SLC24A2: variants seen among roughly 807,000 people sequenced by gnomAD.
The protein encoded by SLC24A2 is solute carrier family 24 member 2.
Under a neutral mutation model 62.0 loss-of-function variants are expected in SLC24A2, and 36 were observed. That is an observed-to-expected ratio of 0.58 (90% CI 0.44 to 0.77). The LOEUF (loss-of-function observed/expected upper bound fraction) is 0.77, where lower values mean the gene tolerates loss of function less well. Ranked by LOEUF, SLC24A2 falls within the 30% of genes least tolerant of loss-of-function variation. The probability of loss-of-function intolerance (pLI) is 0.00; values close to 1 mark genes in which losing one functional copy is unlikely to be tolerated. For synonymous variants in SLC24A2, 358 were observed against 294.0 expected (o/e 1.22, Z -2.23); for missense variants, 846 against 817.9 (o/e 1.03, Z -0.42).
At chr9:19,558,634 A>C (rs937776912) in intron 7 of SLC24A2, among the ~76,000 whole-genome samples, 3 of 152,218 alleles carry the variant, frequency 2.0e-5, no homozygotes, top group African/African-American at 7.2e-5. Context: ...TAACTTTAGC[A>C]AGAACTGAAA....
At chr9:20,091,699 T>A in the SLC24A2 span, among the ~76,000 whole-genome samples, 5 of 152,056 alleles carry the variant, frequency 3.3e-5, no homozygotes, top group Non-Finnish European at 7.4e-5. Context: ...TTATAAGAGA[T>A]CTTGAAAAGA....
At chr9:20,137,605 C>T in the SLC24A2 span, among the ~76,000 whole-genome samples, 1 of 152,190 alleles carries the variant, frequency 6.6e-6, no homozygotes, top group Non-Finnish European at 1.5e-5. Context: ...GCCAGGAACT[C>T]ATGGCTTCTA....
chr9:19,794,319 T>G, the SLC24A2 span, among the ~76,000 whole-genome samples: 1 of 151,438 alleles, frequency 6.6e-6, no homozygotes, highest in South Asian at 2.1e-4. Flanking sequence ...CAAGACAGGT[T>G]ATAGTTATTA....
At chr9:20,107,459 A>C in the SLC24A2 span, among the ~76,000 whole-genome samples, 1 of 152,224 alleles carries the variant, frequency 6.6e-6, no homozygotes, top group Non-Finnish European at 1.5e-5. Context: ...ACAAGGCTAC[A>C]GTCACCAAAA....
chr9:19,829,755 TTA>T, the SLC24A2 span, among the ~76,000 whole-genome samples: 67,183 of 126,860 alleles, frequency 0.53, 20,996 homozygotes, highest in Middle Eastern at 0.69. Flanking sequence ...ACTTAAAGTT[TTA>T]TATATATATG....
the SLC24A2 span, among the ~76,000 whole-genome samples, chr9:20,206,165 T>C: frequency 6.6e-6 from 1 of 152,226 alleles, no homozygotes; most frequent in African/African-American, 2.4e-5. Flanking sequence ...TTTAAGAAAC[T>C]ACCACTTGTC....
intron 2 of SLC24A2, among the ~76,000 whole-genome samples, chr9:19,730,447 T>C (rs1294520322): frequency 1.3e-5 from 2 of 152,202 alleles, no homozygotes; most frequent in African/African-American, 4.8e-5. Context: ...TTCAATGTTA[T>C]ATTTTTGTGA....
In SLC24A2 at chr9:19,516,805, C is replaced by A. The variant is rs1167558663; in HGVS notation, c.1737-403G>T. On this transcript the variant is annotated intron_variant, in intron 10 of 10. Transcript: ENST00000341998. ...GGAGCAGGCAGGTGCAAAAAAGGCA[C>A]AGAAATGAGTGGTGAAAATGAGGAA... 4.6e-5 allele frequency among the ~76,000 whole-genome samples: 7 copies of A among 151,904 alleles called. No homozygotes were observed. In the East Asian group the frequency reaches 1.4e-3, roughly 29 times the overall value.
the SLC24A2 span, among the ~76,000 whole-genome samples, chr9:20,177,909 G>A: frequency 0.02 from 2,980 of 152,110 alleles, 39 homozygotes; most frequent in Non-Finnish European, 0.028. Context: ...TTGCCGAGGG[G>A]ACACGCTCAG....
the SLC24A2 span, among the ~76,000 whole-genome samples, chr9:20,037,512 T>C: frequency 2.0e-5 from 3 of 152,304 alleles, no homozygotes; most frequent in Admixed American, 6.5e-5. Context: ...TGTACAGATA[T>C]CTCCTTCACA....
At chr9:20,270,170 C>T in the SLC24A2 span, among the ~76,000 whole-genome samples, 1 of 152,134 alleles carries the variant, frequency 6.6e-6, no homozygotes, top group Non-Finnish European at 1.5e-5. Flanking sequence ...GGGCACCAAC[C>T]TATTCATAAG....
the SLC24A2 span, among the ~76,000 whole-genome samples, chr9:20,171,735 T>C: frequency 6.6e-6 from 1 of 151,886 alleles, no homozygotes; most frequent in African/African-American, 2.4e-5. Context: ...CTACTAGACC[T>C]AAGAAATGAG....
At chr9:19,581,776 C>T (rs552270361) in intron 5 of SLC24A2, among the ~76,000 whole-genome samples, 4 of 152,124 alleles carry the variant, frequency 2.6e-5, no homozygotes, top group South Asian at 2.1e-4. Context: ...CATAGAGGAA[C>T]GAATCTAAGA....
rs148190088 is a variant in SLC24A2 at position 19,638,553 on chromosome 9, C to T, written c.931-16254G>A. On this transcript the variant is annotated intron_variant, in intron 2 of 10. Coordinates refer to ENST00000341998, the MANE Select transcript of SLC24A2 (RefSeq NM_020344.4). ...TATTTCCCAATGAGTTAGACTGTGACATTTTTATTTCTAATATTAAATATT... is the reference window on the plus strand; with the variant it reads ...TATTTCCCAATGAGTTAGACTGTGATATTTTTATTTCTAATATTAAATATT... Among the ~76,000 whole-genome samples, 114 of 152,236 alleles carry T rather than the reference C, an allele frequency of 7.5e-4. 2 individuals carry two copies. The highest frequency in any genetic ancestry group is 2.6e-3 in the African/African-American group (110 of 41,542).
intron 6 of SLC24A2, among the ~76,000 whole-genome samples, chr9:19,576,426 G>A (rs1223533103): frequency 6.6e-6 from 1 of 152,154 alleles, no homozygotes; most frequent in African/African-American, 2.4e-5. Context: ...ACGAGAGGCA[G>A]CATCATCTCA....
At position 19,563,760 on chromosome 9, in the gene SLC24A2, T is replaced by TTCC. The variant is rs1345990142; in HGVS notation, c.1347+9590_1347+9591insGGA. 5.1e-4 allele frequency among the ~76,000 whole-genome samples: 58 copies of TTCC among 112,818 alleles called. 9 individuals carry two copies. The highest frequency in any genetic ancestry group is 1.2e-3 in the African/African-American group (26 of 22,210). The allele number at this position is 112,818 out of a possible 152,430, so 74.0% of individuals were successfully genotyped here. The stretch of plus-strand genomic sequence containing the variant: ...GGTTTTTATAATGACCCTTCCTTCC[T>TTCC]TTCATCTGTAACAAAACTGTTGGTT... On this transcript the variant is annotated intron_variant, in intron 7 of 10. Transcript: ENST00000341998.
At chr9:19,962,806 AG>A in the SLC24A2 span, among the ~76,000 whole-genome samples, 1 of 152,188 alleles carries the variant, frequency 6.6e-6, no homozygotes, top group African/African-American at 2.4e-5. Flanking sequence ...GTCTGCAAAC[AG>A]GGACAATTTG....
intron 2 of SLC24A2, among the ~76,000 whole-genome samples, chr9:19,661,411 G>T (rs190587430): frequency 6.8e-4 from 103 of 152,120 alleles, no homozygotes; most frequent in African/African-American, 2.5e-3. Flanking sequence ...TCATATCCAT[G>T]CAGGGTCTTG....
At chr9:20,305,144 C>T in the SLC24A2 span, among the ~76,000 whole-genome samples, 2 of 144,030 alleles carry the variant, frequency 1.4e-5, no homozygotes, top group African/African-American at 2.6e-5. Context: ...GAGTCTTGCT[C>T]TGTCACCACG....
Sources: allele counts gnomAD v4.1 joint callset (sites outside exome capture counted in the v4.1 genomes callset), GRCh38; gene constraint gnomAD v4.1.1; transcripts MANE v1.5; gene names NCBI Gene and HGNC (gene_info 2026-07-23, HGNC 2026-07-21).